COL28A1: variants seen among roughly 807,000 people sequenced by gnomAD.
COL28A1 encodes the protein collagen alpha-1(XXVIII) chain.
A neutral mutation model predicts 150.2 loss-of-function variants in COL28A1; 161 were observed. The observed-to-expected ratio is 1.07, with a 90% CI of 0.94 to 1.22. The LOEUF (loss-of-function observed/expected upper bound fraction) is 1.22. COL28A1 is among the 50% of genes most tolerant of loss of function. The probability of loss-of-function intolerance (pLI) is 0.00; values close to 1 mark genes in which losing one functional copy is unlikely to be tolerated. For synonymous variants in COL28A1, 552 were observed against 469.7 expected (o/e 1.18, Z -2.26); for missense variants, 1,617 against 1,388.3 (o/e 1.16, Z -2.62).
chr7:7,479,188 A>G (rs936442783), intron 13 of COL28A1, among the ~76,000 whole-genome samples: 2 of 152,212 alleles, frequency 1.3e-5, no homozygotes, highest in Non-Finnish European at 2.9e-5. Flanking sequence ...ATACCAAGGA[A>G]TGGCTAATGA....
chr7:7,381,778 T>C (rs1413089202), intron 27 of COL28A1, among the ~76,000 whole-genome samples, 166 bp from the exon 28 acceptor site: 1 of 152,218 alleles, frequency 6.6e-6, no homozygotes, highest in Admixed American at 6.5e-5. Context: ...TATGTGTGTA[T>C]GTGTATGGCT....
chr7:7,532,584 G>A (rs6977800), intron 2 of COL28A1, among the ~76,000 whole-genome samples, 168 bp downstream of exon 2: 88,443 of 151,862 alleles, frequency 0.58, 28,492 homozygotes, highest in Admixed American at 0.72. Context: ...AGACTCTGAT[G>A]TGCTATAAGT....
At chr7:7,534,469 A>G (rs1008815281) in intron 1 of COL28A1, among the ~76,000 whole-genome samples, 4 of 152,210 alleles carry the variant, frequency 2.6e-5, no homozygotes, top group African/African-American at 9.6e-5. Flanking sequence ...GCATTTTCAA[A>G]GGGGAAAGGG....
chr7:7,541,166 G>C, the COL28A1 span, among the ~76,000 whole-genome samples: 2 of 152,126 alleles, frequency 1.3e-5, no homozygotes, highest in Non-Finnish European at 2.9e-5. Flanking sequence ...CCCAGTTAAG[G>C]TAATAGGGTC....
At chr7:7,377,609 A>G (rs781235176) in intron 30 of COL28A1, among the ~76,000 whole-genome samples, 8 of 152,246 alleles carry the variant, frequency 5.3e-5, no homozygotes, top group Non-Finnish European at 1.2e-4. Flanking sequence ...TAGGGCACAT[A>G]GCAGAAACAA....
At position 7,373,600 on chromosome 7, in the gene COL28A1, G is replaced by T; in HGVS notation, c.2360-54C>A. ...TTGTGGGAATGATTGACATCAGATT[G>T]TTGAGGGGAGGGGAGAAAAAGTCAA... On this transcript the variant is annotated intron_variant, in intron 31 of 34. Transcript: ENST00000399429. The surrounding 1 kb of genome is among the most constrained non-coding windows in gnomAD (Gnocchi z 4.1). 1 of 1,456,016 alleles carries T rather than the reference G, an allele frequency of 6.9e-7. No homozygotes were observed. 90.2% of individuals were successfully genotyped at this position (1,456,016 alleles called of 1,614,324 possible).
intron 3 of COL28A1, among the ~76,000 whole-genome samples, chr7:7,528,502 G>A (rs1286227663): frequency 6.6e-6 from 1 of 152,138 alleles, no homozygotes; most frequent in Non-Finnish European, 1.5e-5. Flanking sequence ...TGCTCCTGAA[G>A]AATCTATTCA....
chr7:7,338,754 T>C, the COL28A1 span, among the ~76,000 whole-genome samples: 1 of 152,166 alleles, frequency 6.6e-6, no homozygotes, highest in Admixed American at 6.5e-5. Flanking sequence ...ACAGTGAGAC[T>C]GTGTAGTTTC....
chr7:7,388,761 G>T (rs561378666), intron 27 of COL28A1, among the ~76,000 whole-genome samples: 1 of 152,320 alleles, frequency 6.6e-6, no homozygotes, highest in South Asian at 2.1e-4. Flanking sequence ...TGACAGTGAT[G>T]ATGAGCTTTT....
At chr7:7,400,488 G>C (rs56205616) in intron 27 of COL28A1, among the ~76,000 whole-genome samples, 88,724 of 152,008 alleles carry the variant, frequency 0.58, 28,814 homozygotes, top group South Asian at 0.71. Flanking sequence ...TTCTCCCCTA[G>C]CAGAGTCTGC....
rs1442097762 is a variant in COL28A1, at chr7:7,358,775, C to T, written c.3236G>A (p.Gly1079Glu). The part of the protein sequence containing the change: ...DPRCLEALKP[G>E]NCGEYVVRWY... Reference sequence around the variant, plus strand: ...TCGAACCACATATTCACCACAGTTTCCAGGCTTCAAGGCTTCCAAACATCT... The same window carrying T: ...TCGAACCACATATTCACCACAGTTTTCAGGCTTCAAGGCTTCCAAACATCT... Residue 1079 changes from glycine (G) to glutamate (E), a missense_variant, in exon 35 of 35, where the codon GGA becomes GAA. Transcript: ENST00000399429. 2 of 1,613,840 alleles carry T rather than the reference C, an allele frequency of 1.2e-6. No homozygotes were observed. The highest frequency in any genetic ancestry group is 1.7e-6 in the Non-Finnish European group (2 of 1,179,854).
At chr7:7,408,138 G>T (rs1179960660) in intron 27 of COL28A1, among the ~76,000 whole-genome samples, 1 of 151,912 alleles carries the variant, frequency 6.6e-6, no homozygotes, top group African/African-American at 2.4e-5. Context: ...AGCAGGGTAG[G>T]CACTAGTTCC....
At chr7:7,419,693 G>A (rs1435577013) in intron 26 of COL28A1, among the ~76,000 whole-genome samples, 192 bp downstream of exon 26, 1 of 152,228 alleles carries the variant, frequency 6.6e-6, no homozygotes, top group East Asian at 1.9e-4. Flanking sequence ...TTTGGGGGAA[G>A]TGAATGGCTT....
chr7:7,538,853 T>C (rs1328899016), upstream of COL28A1, among the ~76,000 whole-genome samples: 1 of 150,698 alleles, frequency 6.6e-6, no homozygotes, highest in South Asian at 2.1e-4. Context: ...TGATCTAGAG[T>C]AGAAAAAAAA....
chr7:7,499,062 A>T (rs573216405), intron 11 of COL28A1, among the ~76,000 whole-genome samples: 33 of 152,176 alleles, frequency 2.2e-4, no homozygotes, highest in Admixed American at 1.2e-3. Flanking sequence ...CAGTTGTCTC[A>T]TGTCAAACGA....
At chr7:7,413,866 G>A (rs1238464924) in intron 27 of COL28A1, among the ~76,000 whole-genome samples, 2 of 152,170 alleles carry the variant, frequency 1.3e-5, no homozygotes, top group Non-Finnish European at 2.9e-5. Flanking sequence ...AAGCATTTAT[G>A]CATAGGAAGA....
chr7:7,476,394 A>G (rs1419868544), intron 14 of COL28A1, among the ~76,000 whole-genome samples: 1 of 152,208 alleles, frequency 6.6e-6, no homozygotes, highest in African/African-American at 2.4e-5. Flanking sequence ...CCATAAGCCA[A>G]ATTCAGCCCA....
chr7:7,350,467 G>C, the COL28A1 span, among the ~76,000 whole-genome samples: 1 of 152,104 alleles, frequency 6.6e-6, no homozygotes, highest in Non-Finnish European at 1.5e-5. Flanking sequence ...CACAATTTTA[G>C]TCAATCTCAC....
intron 33 of COL28A1, among the ~76,000 whole-genome samples, chr7:7,361,853 T>TAA (rs3067776): frequency 0.69 from 101,668 of 148,398 alleles, 35,697 homozygotes; most frequent in East Asian, 0.86. Flanking sequence ...TATGCAGCCA[T>TAA]AAAAACATGA....
Sources: allele counts gnomAD v4.1 joint callset (sites outside exome capture counted in the v4.1 genomes callset), GRCh38; gene constraint gnomAD v4.1.1; non-coding constraint Gnocchi (gnomAD v3.1); transcripts MANE v1.5; gene names NCBI Gene and HGNC (gene_info 2026-07-23, HGNC 2026-07-21).